PCDHA9: variants seen among roughly 807,000 people sequenced by gnomAD.
The protein encoded by PCDHA9 is protocadherin alpha-9.
In PCDHA9, 62 loss-of-function variants were observed where a neutral mutation model predicts 62.0. That is an observed-to-expected ratio of 1.00 (90% CI 0.81 to 1.23). The LOEUF is 1.23. PCDHA9 is among the 50% of genes most tolerant of loss of function. PCDHA9 has a pLI of 0.00. For missense variants in PCDHA9, 1,205 were observed against 1,249.8 expected (o/e 0.96, Z 0.54); for synonymous variants, 557 against 567.6 (o/e 0.98, Z 0.27).
At chr5:140,898,956 T>G (rs1352076218) in intron 1 of PCDHA9, among the ~76,000 whole-genome samples, 1 of 152,130 alleles carries the variant, frequency 6.6e-6, no homozygotes, top group African/African-American at 2.4e-5. Flanking sequence ...GAAGCAGTTG[T>G]GAATGGGAGT....
chr5:140,870,829 G>A, intron 1 of PCDHA9: 1 of 1,613,790 alleles, frequency 6.2e-7, no homozygotes, highest in Non-Finnish European at 8.5e-7. Context: ...GGGAGGCGCA[G>A]TTAACAAGCT....
intron 3 of PCDHA9, among the ~76,000 whole-genome samples, chr5:140,999,478 T>C (rs2097859281): frequency 6.6e-6 from 1 of 152,172 alleles, no homozygotes; most frequent in Non-Finnish European, 1.5e-5. Flanking sequence ...AGATTCCAAC[T>C]CAAGTCTATG....
intron 1 of PCDHA9, among the ~76,000 whole-genome samples, chr5:140,893,709 G>A (rs141117049): frequency 6.6e-6 from 1 of 152,250 alleles, no homozygotes; most frequent in East Asian, 1.9e-4. Flanking sequence ...AGCCTGTAAA[G>A]CTTCTGCTGA....
chr5:140,897,086 T>TA (rs1430532398), intron 1 of PCDHA9, among the ~76,000 whole-genome samples: 12 of 152,178 alleles, frequency 7.9e-5, no homozygotes, highest in Non-Finnish European at 1.6e-4. Flanking sequence ...TTCTATTTTT[T>TA]ATCCTCATTA....
intron 3 of PCDHA9, among the ~76,000 whole-genome samples, chr5:140,987,362 A>G (rs1490856237): frequency 6.6e-6 from 1 of 152,208 alleles, no homozygotes; most frequent in Non-Finnish European, 1.5e-5. Flanking sequence ...AGGTTGTCTT[A>G]TATCATTACA....
At chr5:140,929,362 G>A (rs781830495) in intron 1 of PCDHA9, 13 of 1,520,234 alleles carry the variant, frequency 8.6e-6, no homozygotes, top group Middle Eastern at 1.8e-4. Flanking sequence ...CCTTTGGCCC[G>A]GAGATGGCTG....
At position 140,917,315 on chromosome 5, in the gene PCDHA9, T is replaced by C. The variant is rs1015690007; in HGVS notation, c.2395-61634T>C. Among the ~76,000 whole-genome samples, 5 of 128,328 alleles carry C rather than the reference T, an allele frequency of 3.9e-5. No homozygotes were observed. In the East Asian group the frequency reaches 1.3e-3, roughly 32 times the overall value. 84.2% of individuals were successfully genotyped at this position (128,328 alleles called of 152,430 possible). A position where few individuals can be genotyped will look rare whatever the true frequency, so the allele number is the denominator to read the frequency against. On this transcript the variant is annotated intron_variant, in intron 1 of 3. Coordinates refer to ENST00000532602, the MANE Select transcript of PCDHA9 (RefSeq NM_031857.2). Reference sequence around the variant, plus strand: ...TGCAGATAGTTGTTACAATTTGGTGTTCATGTGGCGGGGGAGGGGGGGGAT... The same window carrying C: ...TGCAGATAGTTGTTACAATTTGGTGCTCATGTGGCGGGGGAGGGGGGGGAT...
rs1554262625 is a variant in PCDHA9, at chr5:141,009,974, T to A, written c.*37T>A. 3 of 1,585,642 alleles carry A rather than the reference T, an allele frequency of 1.9e-6. No homozygotes were observed. The highest frequency in any genetic ancestry group is 2.6e-6 in the Non-Finnish European group (3 of 1,169,212). ...GGAAACAAGCCACTTAGCCAGTTTT[T>A]GTAATAATGGCAAATCTCTCCCATG... On this transcript the variant is annotated 3_prime_UTR_variant, in exon 4 of 4. Transcript: ENST00000532602.
intron 3 of PCDHA9, among the ~76,000 whole-genome samples, chr5:141,008,048 G>A (rs2098358764): frequency 1.3e-5 from 2 of 151,972 alleles, no homozygotes; most frequent in South Asian, 4.2e-4. Flanking sequence ...TTTGTAACAG[G>A]GGTCCAGTCC....
At chr5:140,967,086 G>C in intron 1 of PCDHA9, 3 of 1,613,210 alleles carry the variant, frequency 1.9e-6, no homozygotes, top group Non-Finnish European at 2.5e-6. Context: ...CGCATTGATC[G>C]GGAGGCGCTG....
At chr5:140,854,902 A>G (rs2043266382) in intron 1 of PCDHA9, among the ~76,000 whole-genome samples, 1 of 150,050 alleles carries the variant, frequency 6.7e-6, no homozygotes, top group African/African-American at 2.4e-5. Flanking sequence ...AAGCGTAAAT[A>G]TAACAGGGTT....
At chr5:140,966,666 C>T (rs2153748360) in intron 1 of PCDHA9, 7 of 1,259,308 alleles carry the variant, frequency 5.6e-6, no homozygotes, top group Non-Finnish European at 7.2e-6. Context: ...GGGGAGCAGG[C>T]GCAGGGTGGC....
chr5:140,870,987 C>T (rs782771467), intron 1 of PCDHA9: 51 of 1,613,334 alleles, frequency 3.2e-5, no homozygotes, highest in Non-Finnish European at 4.1e-5. Context: ...TGTACACGGG[C>T]GAGATAAGCA....
At chr5:140,852,176 A>G in intron 1 of PCDHA9, 1 of 792,442 alleles carries the variant, frequency 1.3e-6, no homozygotes, top group South Asian at 5.6e-5. Flanking sequence ...CACAAAAATA[A>G]CTATGAAAAT....
At chr5:140,967,921 C>G (rs781932025) in intron 1 of PCDHA9, 1 of 1,614,172 alleles carries the variant, frequency 6.2e-7, no homozygotes, top group East Asian at 2.2e-5. Flanking sequence ...CCATTGTGGC[C>G]GTTCTCAGTG....
At chr5:140,999,398 A>G (rs17119351) in intron 3 of PCDHA9, among the ~76,000 whole-genome samples, 13,435 of 152,202 alleles carry the variant, frequency 0.088, 686 homozygotes, top group African/African-American at 0.14. Flanking sequence ...TTTGTTTTGC[A>G]TATGAAAGAA....
At chr5:140,993,462 T>TCACACACACACACACA (rs3836747) in intron 3 of PCDHA9, among the ~76,000 whole-genome samples, 10 of 140,938 alleles carry the variant, frequency 7.1e-5, no homozygotes, top group African/African-American at 2.4e-4. Flanking sequence ...TCTTTCTTTC[T>TCACACACACACACACA]CACACACACA....
rs186232239 is a variant in PCDHA9, at chr5:140,924,849, C to T, written c.2395-54100C>T. On this transcript the variant is annotated intron_variant, in intron 1 of 3. Coordinates refer to ENST00000532602, the MANE Select transcript of PCDHA9 (RefSeq NM_031857.2). ...GGGGGAGGTTGCAGGGAGCTCAGAT[C>T]GTGCCACTGCACTCCAGCCTGGGTG... 8.0e-3 allele frequency among the ~76,000 whole-genome samples: 1,208 copies of T among 150,322 alleles called. 6 individuals are homozygous for T. Among genetic ancestry groups the T allele is most frequent in the African/African-American group, 0.019 (780 of 40,670 alleles).
rs782443419 is a variant in PCDHA9, at chr5:140,882,688, A to T, written c.2394+31799A>T. On this transcript the variant is annotated intron_variant, in intron 1 of 3. Coordinates refer to ENST00000532602, the MANE Select transcript of PCDHA9 (RefSeq NM_031857.2). ...TATTCCCTGAAAGCAAGAAACGAATAATCATTGCAGAATCTAGACCTCCGG... is the reference window on the plus strand; with the variant it reads ...TATTCCCTGAAAGCAAGAAACGAATTATCATTGCAGAATCTAGACCTCCGG... The T allele has an allele frequency of 1.2e-5, 20 of 1,614,078 alleles. 1 individual carries two copies. In the South Asian group the frequency reaches 2.2e-4, roughly 18 times the overall value.
Sources: allele counts gnomAD v4.1 joint callset (sites outside exome capture counted in the v4.1 genomes callset), GRCh38; gene constraint gnomAD v4.1.1; transcripts MANE v1.5; gene names NCBI Gene and HGNC (gene_info 2026-07-23, HGNC 2026-07-21).